AGTPBP1: variants seen among roughly 807,000 people sequenced by gnomAD.
AGTPBP1 encodes cytosolic carboxypeptidase 1.
A neutral mutation model predicts 143.9 loss-of-function variants in AGTPBP1; 70 were observed. The observed-to-expected ratio is 0.49, with a 90% CI of 0.40 to 0.59. The LOEUF (loss-of-function observed/expected upper bound fraction) is 0.59. AGTPBP1 is among the 20% of genes least tolerant of loss of function. AGTPBP1 has a pLI of 0.00. For missense variants in AGTPBP1, 1,229 were observed against 1,464.5 expected, an observed-to-expected ratio of 0.84 and a Z score of 2.62; for synonymous variants, 463 against 500.2, an observed-to-expected ratio of 0.93 and a Z score of 0.99.
rs747222789 is a variant in AGTPBP1 at position 85,589,634 on chromosome 9, A to G, written c.2616T>C (p.Tyr872=). ...LESAHNPQQI[Y]FRKDVLCETL... The stretch of plus-strand genomic sequence containing the variant: ...TTTCACATAACACATCTTTCCGAAA[A>G]TAGATTTGCTGAGGATTGTGTGCTG... Residue 872 remains tyrosine, a synonymous_variant, in exon 20 of 26, where the codon TAT becomes TAC. Coordinates refer to ENST00000357081, the MANE Select transcript of AGTPBP1 (RefSeq NM_001330701.2). 1.2e-5 allele frequency: 19 copies of G among 1,613,466 alleles called. No homozygotes were observed. The East Asian group carries it at 4.2e-4, about 36-fold the overall frequency.
intron 21 of AGTPBP1, 44 bp downstream of exon 21, chr9:85,588,254 C>T (rs1455508057): frequency 1.3e-6 from 2 of 1,491,926 alleles, no homozygotes; most frequent in East Asian, 4.7e-5. Flanking sequence ...TACAGGACAA[C>T]CACAATGGTC....
chr9:85,732,512 C>G (rs1445068926), intron 1 of AGTPBP1, among the ~76,000 whole-genome samples: 2 of 151,914 alleles, frequency 1.3e-5, no homozygotes, highest in Non-Finnish European at 2.9e-5. Context: ...ACCACTATAA[C>G]CCAAAGTCAG....
intron 25 of AGTPBP1, among the ~76,000 whole-genome samples, chr9:85,567,016 G>T (rs1827150971): frequency 6.6e-6 from 1 of 152,228 alleles, no homozygotes; most frequent in Non-Finnish European, 1.5e-5. Context: ...ACTGAAGGAT[G>T]GGAAGTCTGA....
At position 85,678,384 on chromosome 9, in the gene AGTPBP1, A is replaced by C; in HGVS notation, c.240T>G (p.Leu80=). ...LLSTLENTKD[L]QTTLNILSIL... Reference sequence around the variant, plus strand: ...TGCTTAAGATATTAAGTGTAGTTTGAAGATCTTTTGTGTTCTGAAATAAAT... The same window carrying C: ...TGCTTAAGATATTAAGTGTAGTTTGCAGATCTTTTGTGTTCTGAAATAAAT... Residue 80 remains leucine (L), a synonymous_variant, in exon 5 of 26, where the codon CTT becomes CTG. Coordinates refer to ENST00000357081, the MANE Select transcript of AGTPBP1 (RefSeq NM_001330701.2). 3 of 1,586,806 alleles carry C rather than the reference A, an allele frequency of 1.9e-6. No individual in the cohort carries two copies. Among genetic ancestry groups the C allele is most frequent in the Non-Finnish European group, 2.6e-6 (3 of 1,162,816 alleles).
chr9:85,770,529 T>C, the AGTPBP1 span: 1 of 1,049,006 alleles, frequency 9.5e-7, no homozygotes, highest in African/African-American at 1.6e-5. Flanking sequence ...CTTATAAAGA[T>C]GGGTCAAGAT....
At chr9:85,604,051 G>T (rs1304633032) in intron 17 of AGTPBP1, among the ~76,000 whole-genome samples, 1 of 152,170 alleles carries the variant, frequency 6.6e-6, no homozygotes, top group Non-Finnish European at 1.5e-5. Flanking sequence ...GCCCTGGGCT[G>T]AGGGAAGTTC....
chr9:85,648,657 A>G (rs1160325084), intron 11 of AGTPBP1, among the ~76,000 whole-genome samples: 1 of 152,132 alleles, frequency 6.6e-6, no homozygotes, highest in Non-Finnish European at 1.5e-5. Flanking sequence ...CTAAAAGTAC[A>G]AAAAATTAGC....
chr9:85,575,363 A>T lies in AGTPBP1; in HGVS notation c.3455T>A (p.Leu1152Gln). 6.2e-7 allele frequency: 1 copy of T among 1,602,730 alleles called. No homozygotes were observed. Among genetic ancestry groups the T allele is most frequent in the Non-Finnish European group, 8.5e-7 (1 of 1,176,902 alleles). ...SPLEYNLPSSLLDFENDLIES... is the reference protein window; with the variant it reads ...SPLEYNLPSSQLDFENDLIES... ...AATTAAATCATTTTCAAAGTCAAGC[A>T]GGCTGGAAGGCAGATTATACTCCAA... Residue 1152 changes from leucine (L) to glutamine (Q), a missense_variant, in exon 25 of 26, where the codon CTG becomes CAG. This residue lies in a region of AGTPBP1 where 486 missense variants were observed against 652.3 expected (regional missense o/e 0.75). Coordinates refer to ENST00000357081, the MANE Select transcript of AGTPBP1 (RefSeq NM_001330701.2).
At chr9:85,600,041 G>A (rs752469505) in intron 17 of AGTPBP1, among the ~76,000 whole-genome samples, 2 of 152,148 alleles carry the variant, frequency 1.3e-5, no homozygotes, top group Non-Finnish European at 2.9e-5. Context: ...TGTTTGTTGT[G>A]TGGATGGAAA....
chr9:85,556,022 A>T (rs7037340), intron 25 of AGTPBP1, among the ~76,000 whole-genome samples: 5,982 of 152,278 alleles, frequency 0.039, 150 homozygotes, highest in Middle Eastern at 0.12. Flanking sequence ...AGAAAAAAAT[A>T]ACTATTGGGA....
At chr9:85,734,332 A>T (rs566155077) in intron 1 of AGTPBP1, among the ~76,000 whole-genome samples, 1 of 143,034 alleles carries the variant, frequency 7.0e-6, no homozygotes, top group African/African-American at 2.6e-5. Context: ...CAAAATACTT[A>T]AAAAAAAAAA....
intron 17 of AGTPBP1, among the ~76,000 whole-genome samples, chr9:85,617,144 C>T (rs1215514817): frequency 2.6e-5 from 4 of 152,008 alleles, no homozygotes; most frequent in Non-Finnish European, 4.4e-5. Flanking sequence ...TGGGAACAAC[C>T]TCTTCAACTG....
intron 1 of AGTPBP1, among the ~76,000 whole-genome samples, chr9:85,713,423 C>A (rs796294981): frequency 5.3e-5 from 8 of 152,238 alleles, no homozygotes; most frequent in African/African-American, 1.9e-4. Context: ...CCCAGCTACT[C>A]AGGAGGCTGA....
chr9:85,741,147 T>C, intron 1 of AGTPBP1: 1 of 880,532 alleles, frequency 1.1e-6, no homozygotes, highest in Non-Finnish European at 1.4e-6. Flanking sequence ...TCATCCAGGG[T>C]GATCTGATTC....
chr9:85,596,440 G>T lies in AGTPBP1; in HGVS notation c.2345C>A (p.Pro782Gln). Reference sequence around the variant, plus strand: ...TGCTTCCTGAACCGAATACATGAGTGGTTGCATACCTTTGAAAGAGAGAAA... The same window carrying T: ...TGCTTCCTGAACCGAATACATGAGTTGTTGCATACCTTTGAAAGAGAGAAA... ...SNSQFNYGMQ[P>Q]LMYSVQEALN... is the part of the protein sequence containing the mutation. The change falls in exon 18 of 26, where the codon CCA becomes CAA. Residue 782 changes from proline to glutamine, a missense_variant. Physicochemically the swap from Pro to Gln is moderately conservative, Grantham distance 76. Around this residue, in one of 2 missense-constraint regions of AGTPBP1, gnomAD observed 486 missense variants for 652.3 expected, o/e 0.75. Coordinates refer to ENST00000357081, the MANE Select transcript of AGTPBP1 (RefSeq NM_001330701.2). The T allele has an allele frequency of 6.3e-7, 1 of 1,597,964 alleles. No homozygotes were observed. Among genetic ancestry groups the T allele is most frequent in the Non-Finnish European group, 8.5e-7 (1 of 1,172,358 alleles).
chr9:85,698,342 T>A (rs1022872377), intron 2 of AGTPBP1, among the ~76,000 whole-genome samples: 3 of 152,228 alleles, frequency 2.0e-5, no homozygotes, highest in Non-Finnish European at 2.9e-5. Context: ...GTAAATTTTT[T>A]AAAGGCAAAT....
rs75658255 is a variant in AGTPBP1, at chr9:85,741,652, A to G, written c.-34+123T>C. The G allele has an allele frequency of 2.4e-3, 3,048 of 1,247,940 alleles. 58 individuals carry two copies. The African/African-American group carries it at 0.038, about 15-fold the overall frequency. 77.3% of individuals were successfully genotyped at this position (1,247,940 alleles called of 1,614,324 possible). ...ACATGCGTTACACAACCCGTCAGGT[A>G]AGGGGCGCAGGGATCCGGGGTCGCC... On this transcript the variant is annotated intron_variant, in intron 1 of 25. Coordinates refer to ENST00000357081, the MANE Select transcript of AGTPBP1 (RefSeq NM_001330701.2).
intron 3 of AGTPBP1, among the ~76,000 whole-genome samples, chr9:85,684,952 A>G (rs935362004): frequency 2.6e-5 from 4 of 151,972 alleles, no homozygotes; most frequent in Non-Finnish European, 5.9e-5. Flanking sequence ...CTACAAAAGC[A>G]AAAGAACCAA....
the AGTPBP1 span, chr9:85,756,131 T>C: frequency 2.5e-5 from 41 of 1,611,520 alleles, no homozygotes; most frequent in African/African-American, 3.5e-4. Context: ...TCTGAACCAA[T>C]GCCAAGAATT....
Sources: gnomAD v4.1 joint callset for allele counts (sites outside exome capture counted in the v4.1 genomes callset) on GRCh38, gnomAD v4.1.1 for gene constraint, gnomAD v4.1.1 regional missense constraint, MANE v1.5 for transcripts, NCBI Gene and HGNC (gene_info 2026-07-23, HGNC 2026-07-21) for gene names.